SRPK2: variants seen among roughly 807,000 people sequenced by gnomAD.
SRPK2 encodes the protein SRSF protein kinase 2.
In SRPK2, 21 loss-of-function variants were observed where a neutral mutation model predicts 90.8. The ratio of observed to expected loss-of-function variants is 0.23; its 90% confidence interval spans 0.16 to 0.33. The LOEUF is 0.33. SRPK2 is among the 10% of genes least tolerant of loss of function. The pLI is 1.00. For synonymous variants in SRPK2, 288 were observed against 311.1 expected, an observed-to-expected ratio of 0.93 and a Z score of 0.78; for missense variants, 620 against 869.0, an observed-to-expected ratio of 0.71 and a Z score of 3.60.
chr7:105,143,391 C>T (rs769114333), intron 9 of SRPK2, 61 bp from the exon 10 acceptor site: 9 of 1,557,898 alleles, frequency 5.8e-6, no homozygotes, highest in Admixed American at 2.0e-5. Flanking sequence ...GATAGTATAA[C>T]GACTAGCAGC....
intron 11 of SRPK2, among the ~76,000 whole-genome samples, chr7:105,141,551 A>G (rs1251326827): frequency 6.6e-6 from 1 of 152,240 alleles, no homozygotes; most frequent in East Asian, 1.9e-4. Flanking sequence ...GGGTCCTATA[A>G]TCAGGAACAA....
At chr7:105,229,687 A>G (rs560207085) in intron 2 of SRPK2, among the ~76,000 whole-genome samples, 2 of 152,294 alleles carry the variant, frequency 1.3e-5, no homozygotes, top group Admixed American at 1.3e-4. Context: ...TGGTTAGACT[A>G]TTCCTCAGAG....
In SRPK2 at chr7:105,126,261, G is replaced by A. The variant is rs750451410; in HGVS notation, c.1902C>T (p.Phe634=). Residue 634 remains phenylalanine (F), a synonymous_variant, in exon 15 of 16, where the codon TTC becomes TTT. Transcript: ENST00000393651. ...AAGAGGTACTACCTCTGCGATTGAA[G>A]AATTCCCGAGAATATTTTCCAGATA... ...FALSGKYSRE[F]FNRRGELRHI... 1.2e-6 allele frequency: 2 copies of A among 1,613,552 alleles called. No homozygotes were observed. Among genetic ancestry groups the A allele is most frequent in the East Asian group, 2.2e-5 (1 of 44,876 alleles).
intron 2 of SRPK2, among the ~76,000 whole-genome samples, chr7:105,369,033 G>A (rs1369068553): frequency 1.3e-5 from 2 of 151,910 alleles, no homozygotes; most frequent in African/African-American, 4.8e-5. Flanking sequence ...GGGAAGGCCA[G>A]GCGGCAAGGA....
intron 2 of SRPK2, among the ~76,000 whole-genome samples, chr7:105,353,031 CT>C (rs1247932864): frequency 6.6e-6 from 1 of 152,096 alleles, no homozygotes; most frequent in Non-Finnish European, 1.5e-5. Flanking sequence ...AGTTGTTTAC[CT>C]GCCTATCTCT....
In SRPK2 at chr7:105,377,083, C is replaced by T. The variant is rs547654939; in HGVS notation, c.71+11565G>A. ...TTTTCTAACTGCCAAAAGCAAAGGC[C>T]AAGATTAAGGCTCATCTCACTTGAA... On this transcript the variant is annotated intron_variant, in intron 2 of 15. Coordinates refer to ENST00000393651, the MANE Select transcript of SRPK2 (RefSeq NM_182692.3). 2.1e-4 allele frequency among the ~76,000 whole-genome samples: 32 copies of T among 152,152 alleles called. 1 individual carries two copies. In the East Asian group the frequency reaches 6.0e-3, roughly 28 times the overall value.
chr7:105,342,976 T>C (rs1369915534), intron 2 of SRPK2, among the ~76,000 whole-genome samples: 2 of 152,216 alleles, frequency 1.3e-5, no homozygotes. Context: ...GAAAAATTTA[T>C]TTCTAAACCC....
chr7:105,238,413 T>C (rs942843432), intron 2 of SRPK2, among the ~76,000 whole-genome samples: 2 of 152,240 alleles, frequency 1.3e-5, no homozygotes, highest in African/African-American at 4.8e-5. Context: ...GCCCACGGCC[T>C]AGGCTCAGTT....
intron 2 of SRPK2, among the ~76,000 whole-genome samples, chr7:105,347,549 G>C (rs1206455057): frequency 6.6e-6 from 1 of 152,052 alleles, no homozygotes; most frequent in Non-Finnish European, 1.5e-5. Flanking sequence ...ATGAGGGGGA[G>C]GGGGAGGAGG....
rs568751801 is a variant in SRPK2 at position 105,142,151 on chromosome 7, G to A, written c.1400C>T (p.Ser467Leu). ...AGGTTCTAAGGATCCAGAGAACAAC[G>A]AGGTGGAAAACTCTGGGAACTGTGA... ...PESQFPEFST[S>L]LFSGSLEPVA... Residue 467 changes from serine (S) to leucine (L), a missense_variant, in exon 11 of 16, where the codon TCG (serine) becomes TTG (leucine). Ser to Leu is a moderately radical substitution (Grantham distance 145). This residue lies in a region of SRPK2 where 243 missense variants were observed against 245.7 expected (regional missense o/e 0.99). Transcript: ENST00000393651. 186 of 1,614,180 alleles carry A rather than the reference G, an allele frequency of 1.2e-4. 1 individual carries two copies. The South Asian group carries it at 1.8e-3, about 16-fold the overall frequency.
At chr7:105,345,509 A>T (rs946133915) in intron 2 of SRPK2, among the ~76,000 whole-genome samples, 3 of 152,252 alleles carry the variant, frequency 2.0e-5, no homozygotes, top group African/African-American at 7.2e-5. Flanking sequence ...ATATCGCAAG[A>T]AACGAAAAAA....
intron 2 of SRPK2, among the ~76,000 whole-genome samples, chr7:105,303,923 G>T (rs1343054366): frequency 2.0e-5 from 3 of 152,276 alleles, no homozygotes; most frequent in Admixed American, 2.0e-4. Context: ...CACTGTTTTG[G>T]ATCTTTTGTT....
At chr7:105,378,294 G>A (rs999625422) in intron 2 of SRPK2, among the ~76,000 whole-genome samples, 3 of 152,094 alleles carry the variant, frequency 2.0e-5, no homozygotes, top group Non-Finnish European at 1.5e-5. Flanking sequence ...TATCCATAAT[G>A]ATTAGAAAGA....
intron 2 of SRPK2, among the ~76,000 whole-genome samples, chr7:105,240,324 G>C (rs888595435): frequency 6.6e-6 from 1 of 152,112 alleles, no homozygotes; most frequent in Non-Finnish European, 1.5e-5. Context: ...CATCACATTG[G>C]GGGTTAGGAA....
chr7:105,204,327 G>C (rs1352485387), intron 2 of SRPK2, among the ~76,000 whole-genome samples: 1 of 152,190 alleles, frequency 6.6e-6, no homozygotes, highest in African/African-American at 2.4e-5. Context: ...AAATATACAA[G>C]ATTGCCAGAA....
upstream of SRPK2, among the ~76,000 whole-genome samples, chr7:105,389,753 G>T (rs1822096614): frequency 6.6e-6 from 1 of 152,160 alleles, no homozygotes. Flanking sequence ...GCCTACAAAA[G>T]ATGTGAATCA....
At chr7:105,190,622 G>A (rs1011986350) in intron 3 of SRPK2, among the ~76,000 whole-genome samples, 1 of 152,076 alleles carries the variant, frequency 6.6e-6, no homozygotes, top group African/African-American at 2.4e-5. Flanking sequence ...GAGTTTGGGG[G>A]TCCCAAAGAC....
intron 2 of SRPK2, among the ~76,000 whole-genome samples, chr7:105,218,137 C>T (rs1440774933): frequency 6.6e-6 from 1 of 152,190 alleles, no homozygotes; most frequent in Non-Finnish European, 1.5e-5. Flanking sequence ...CTTCTGCCGG[C>T]ACACAAGGTA....
At chr7:105,369,548 T>C (rs528095500) in intron 2 of SRPK2, among the ~76,000 whole-genome samples, 17 of 152,302 alleles carry the variant, frequency 1.1e-4, no homozygotes, top group African/African-American at 4.1e-4. Context: ...CCACACATTT[T>C]CAGACCCACA....
Sources: allele counts gnomAD v4.1 joint callset (sites outside exome capture counted in the v4.1 genomes callset), GRCh38; gene constraint gnomAD v4.1.1; regional missense constraint gnomAD v4.1.1; transcripts MANE v1.5; gene names NCBI Gene and HGNC (gene_info 2026-07-23, HGNC 2026-07-21).